WASHC4: variants seen among roughly 807,000 people sequenced by gnomAD.
The protein encoded by WASHC4 is WASH complex subunit 4.
WASHC4 carries 86 observed loss-of-function variants against 166.6 expected under a neutral mutation model. The ratio of observed to expected loss-of-function variants is 0.52; its 90% CI spans 0.43 to 0.62. The LOEUF is 0.62. Among genes scored for constraint, WASHC4 ranks in the 20% least tolerant of loss-of-function variants. The pLI is 0.00. For missense variants in WASHC4, 1,262 were observed against 1,382.4 expected, an observed-to-expected ratio of 0.91 and a Z score of 1.38; for synonymous variants, 446 against 451.6, an observed-to-expected ratio of 0.99 and a Z score of 0.16.
At chr12:105,136,568 G>T (rs1262658019) in intron 14 of WASHC4, among the ~76,000 whole-genome samples, 1 of 152,126 alleles carries the variant, frequency 6.6e-6, no homozygotes, top group Non-Finnish European at 1.5e-5. Context: ...CTGGGAATGA[G>T]CTAATATGGG....
At chr12:105,164,843 G>A in intron 32 of WASHC4, 103 bp downstream of exon 32, 5 of 774,542 alleles carry the variant, frequency 6.5e-6, no homozygotes, top group African/African-American at 3.5e-5. Context: ...TTGTCCTTTT[G>A]GAAAATAACA....
chr12:105,157,874 G>A (rs1336466875), intron 28 of WASHC4, among the ~76,000 whole-genome samples: 2 of 92,106 alleles, frequency 2.2e-5, no homozygotes, highest in Admixed American at 1.3e-4. Flanking sequence ...ATTGAACAGT[G>A]CAGGACTTGA....
intron 8 of WASHC4, 52 bp from the exon 9 acceptor site, chr12:105,121,049 G>A (rs759263891): frequency 9.1e-6 from 11 of 1,206,744 alleles, no homozygotes; most frequent in Non-Finnish European, 1.2e-5. Flanking sequence ...TCTACATGAG[G>A]CTTAACTTCT....
intron 1 of WASHC4, among the ~76,000 whole-genome samples, chr12:105,110,506 A>G (rs1215462119): frequency 6.6e-6 from 1 of 152,238 alleles, no homozygotes; most frequent in Non-Finnish European, 1.5e-5. Context: ...AGAACAGCAT[A>G]GTATTCTGTA....
At chr12:105,111,103 C>T (rs373669216) in intron 1 of WASHC4, 22 bp from the exon 2 acceptor site, 1 of 1,572,284 alleles carries the variant, frequency 6.4e-7, no homozygotes. Flanking sequence ...TTATCACATA[C>T]TGTTTTAAAA....
At chr12:105,155,552 T>C (rs113458880) in intron 26 of WASHC4, among the ~76,000 whole-genome samples, 1,318 of 46,866 alleles carry the variant, frequency 0.028, 12 homozygotes, top group Non-Finnish European at 0.04. Context: ...AAAAGCATGA[T>C]ATGGGGCCGG....
rs1465863414 is a variant in WASHC4 at position 105,115,686 on chromosome 12, T to C, written c.393T>C (p.Gly131=). The C allele has an allele frequency of 6.2e-7, 1 of 1,610,470 alleles. No individual in the cohort carries two copies. The highest frequency in any genetic ancestry group is 8.5e-7 in the Non-Finnish European group (1 of 1,176,912). The part of the protein sequence containing the change: ...EGATDASMVE[G]DCQIQMGRFI... ...CTACAGATGCCAGCATGGTGGAAGG[T>C]GATTGCCAAATTCAAATGGGGAGAT... is the stretch of plus-strand genomic sequence containing the variant. Residue 131 remains glycine, a synonymous_variant, in exon 6 of 33, where the codon GGT becomes GGC. Transcript: ENST00000332180.
chr12:105,128,574 CTT>C (rs995542094), intron 13 of WASHC4, among the ~76,000 whole-genome samples: 5 of 152,154 alleles, frequency 3.3e-5, no homozygotes, highest in Non-Finnish European at 5.9e-5. Context: ...ATACTGGAAA[CTT>C]TTTGAGTGCC....
At chr12:105,160,650 C>A (rs1190202128) in intron 29 of WASHC4, among the ~76,000 whole-genome samples, 1 of 152,104 alleles carries the variant, frequency 6.6e-6, no homozygotes, top group East Asian at 1.9e-4. Flanking sequence ...CCACGTATGG[C>A]CTAAGATAGA....
intron 24 of WASHC4, 122 bp from the exon 25 acceptor site, chr12:105,149,491 CTT>C (rs1392396869): frequency 1.3e-4 from 128 of 990,016 alleles, no homozygotes; most frequent in Non-Finnish European, 1.6e-4. Context: ...ATGAAATAGA[CTT>C]TTTAAATAGT....
chr12:105,146,281 G>A (rs1883285787), intron 22 of WASHC4, among the ~76,000 whole-genome samples, 171 bp from the exon 23 acceptor site: 1 of 152,100 alleles, frequency 6.6e-6, no homozygotes, highest in South Asian at 2.1e-4. Flanking sequence ...TTTCCCTAAG[G>A]AGATAGTCTT....
At chr12:105,118,579 GTTCT>G in intron 7 of WASHC4, 51 bp downstream of exon 7, 2 of 1,042,252 alleles carry the variant, frequency 1.9e-6, no homozygotes, top group South Asian at 2.5e-5. Context: ...TGCAGAAAAT[GTTCT>G]TTCTAAAATT....
chr12:105,122,752 A>G (rs947239420), intron 10 of WASHC4, among the ~76,000 whole-genome samples: 1 of 152,080 alleles, frequency 6.6e-6, no homozygotes, highest in Non-Finnish European at 1.5e-5. Context: ...TACTATTGTA[A>G]TTGTTCTGGG....
intron 31 of WASHC4, 83 bp from the exon 32 acceptor site, chr12:105,164,555 TAAG>T (rs767046782): frequency 2.9e-5 from 27 of 924,870 alleles, no homozygotes; most frequent in Admixed American, 6.3e-5. Context: ...AAAATAATAA[TAAG>T]AGGCATAAAA....
rs141503663 is a variant in WASHC4, at chr12:105,144,283, A to C, written c.2011-4A>C. 1.4e-5 allele frequency: 22 copies of C among 1,610,090 alleles called. No individual in the cohort carries two copies. In the Middle Eastern group the frequency reaches 6.6e-4, roughly 48 times the overall value. On this transcript the variant is annotated splice_polypyrimidine_tract_variant and splice_region_variant and intron_variant, in intron 20 of 32. Transcript: ENST00000332180. ...AATTAAAGTATCAAATCTTTTGTGA[A>C]TAGCATTTGCTGGACAAATTATGCA...
chr12:105,115,257 C>A (rs763785487), intron 5 of WASHC4, 28 bp downstream of exon 5: 4 of 1,377,312 alleles, frequency 2.9e-6, no homozygotes, highest in Admixed American at 3.4e-5. Context: ...AATTGTGATG[C>A]CTTTTTGATA....
intron 24 of WASHC4, chr12:105,148,976 C>T: frequency 1.0e-6 from 1 of 984,256 alleles, no homozygotes; most frequent in Non-Finnish European, 1.2e-6. Flanking sequence ...TCAAAGCACA[C>T]ATGTACTTAA....
intron 29 of WASHC4, among the ~76,000 whole-genome samples, chr12:105,161,404 G>A (rs774510405): frequency 6.6e-6 from 1 of 152,154 alleles, no homozygotes; most frequent in Non-Finnish European, 1.5e-5. Flanking sequence ...GAGGGAGAGT[G>A]TCATATTTGG....
intron 9 of WASHC4, 117 bp from the exon 10 acceptor site, chr12:105,122,001 T>C: frequency 1.4e-6 from 1 of 700,214 alleles, no homozygotes; most frequent in South Asian, 1.8e-5. Context: ...AATTTTCAAA[T>C]GTGTAGAGCC....
Sources: gnomAD v4.1 joint callset for allele counts (sites outside exome capture counted in the v4.1 genomes callset) on GRCh38, gnomAD v4.1.1 for gene constraint, MANE v1.5 for transcripts, NCBI Gene and HGNC (gene_info 2026-07-23, HGNC 2026-07-21) for gene names.